KDELR2: variants seen among roughly 807,000 people sequenced by gnomAD.
The protein encoded by KDELR2 is ER lumen protein-retaining receptor 2.
KDELR2 carries 15 observed loss-of-function variants against 23.9 expected under a neutral mutation model. The ratio of observed to expected loss-of-function variants is 0.63; its 90% confidence interval spans 0.42 to 0.97. The LOEUF (loss-of-function observed/expected upper bound fraction) is 0.97. Among genes scored for constraint, KDELR2 ranks in the 50% least tolerant of loss-of-function variants. The pLI is 0.00. For synonymous variants in KDELR2, 119 were observed against 106.2 expected, an observed-to-expected ratio of 1.12 and a Z score of -0.74; for missense variants, 272 against 254.6, an observed-to-expected ratio of 1.07 and a Z score of -0.46.
chr7:6,482,324 C>T (rs1320845247), intron 1 of KDELR2: 1 of 214,856 alleles, frequency 4.7e-6, no homozygotes, highest in Non-Finnish European at 9.9e-6. Context: ...TAATGACTAC[C>T]TGGGATAAGC....
chr7:6,480,112 G>A (rs1303182582), intron 1 of KDELR2, among the ~76,000 whole-genome samples: 1 of 152,182 alleles, frequency 6.6e-6, no homozygotes, highest in Non-Finnish European at 1.5e-5. Context: ...AAGGAGGGAA[G>A]GAGACAGACT....
chr7:6,474,159 C>T (rs1785707853), intron 2 of KDELR2, 25 bp downstream of exon 2: 1 of 1,403,982 alleles, frequency 7.1e-7, no homozygotes, highest in South Asian at 1.2e-5. Context: ...AGATGAAATA[C>T]ATTCCTGTGG....
chr7:6,462,741 T>A lies in KDELR2; in HGVS notation c.*400A>T. On this transcript the variant is annotated 3_prime_UTR_variant, in exon 5 of 5. Transcript: ENST00000258739. ...GTTTGAGGGATGGAAGAATATATAA[T>A]CTATCAACTGTCAAGGAGTACAATT... 1 of 426,364 alleles carries A rather than the reference T, an allele frequency of 2.3e-6. No individual in the cohort carries two copies. The highest frequency in any genetic ancestry group is 4.1e-6 in the Non-Finnish European group (1 of 242,228). 26.4% of individuals were successfully genotyped at this position (426,364 alleles called of 1,614,324 possible).
intron 2 of KDELR2, among the ~76,000 whole-genome samples, chr7:6,472,708 C>T (rs575055086): frequency 1.3e-5 from 2 of 152,256 alleles, no homozygotes; most frequent in African/African-American, 4.8e-5. Flanking sequence ...TGCTCTTGAA[C>T]ACAAAATGTT....
intron 2 of KDELR2, among the ~76,000 whole-genome samples, chr7:6,473,547 G>GA (rs11465069): frequency 0.017 from 2,593 of 152,144 alleles, 62 homozygotes; most frequent in African/African-American, 0.049. Flanking sequence ...ATGTGAATTA[G>GA]AAAAAATATA....
At chr7:6,469,885 A>G in intron 2 of KDELR2, 131 bp from the exon 3 acceptor site, 1 of 732,716 alleles carries the variant, frequency 1.4e-6, no homozygotes, top group Non-Finnish European at 2.1e-6. Flanking sequence ...GAATTTTAAA[A>G]CTTAAATATA....
chr7:6,484,126 C>G lies in KDELR2; in HGVS notation c.-69G>C, dbSNP rs1235986109. 1.7e-6 allele frequency: 2 copies of G among 1,185,494 alleles called. No individual in the cohort carries two copies. Among genetic ancestry groups the G allele is most frequent in the Non-Finnish European group, 2.1e-6 (2 of 936,262 alleles). The allele number at this position is 1,185,494 out of a possible 1,614,324, so 73.4% of individuals were successfully genotyped here. ...GGCTGGGCGGCTCAGGAGGCGGCGG[C>G]CCCTGAGAGGAAGCGGCGAAGATGG... is the stretch of plus-strand genomic sequence containing the variant. On this transcript the variant is annotated 5_prime_UTR_variant, in exon 1 of 5. Transcript: ENST00000258739.
At chr7:6,464,246 C>A (rs1785452306) in intron 4 of KDELR2, among the ~76,000 whole-genome samples, 2 of 127,678 alleles carry the variant, frequency 1.6e-5, no homozygotes, top group South Asian at 5.9e-4. Flanking sequence ...AAAAGCTAGG[C>A]GTGGTGGCTC....
intron 1 of KDELR2, chr7:6,482,373 G>A (rs994525459): frequency 7.0e-6 from 2 of 285,598 alleles, no homozygotes; most frequent in Non-Finnish European, 1.5e-5. Flanking sequence ...TATACAGCAA[G>A]TGCCTAAACA....
At chr7:6,473,080 G>C (rs1398654771) in intron 2 of KDELR2, among the ~76,000 whole-genome samples, 1 of 42,718 alleles carries the variant, frequency 2.3e-5, no homozygotes, top group Non-Finnish European at 5.3e-5. Context: ...GCTAATTTTT[G>C]TATTTTTTTT....
chr7:6,463,847 G>C (rs999363946), intron 4 of KDELR2, among the ~76,000 whole-genome samples: 2 of 150,964 alleles, frequency 1.3e-5, no homozygotes, highest in East Asian at 1.9e-4. Context: ...GATCTCCTGA[G>C]GTCAGGAGTT....
rs1785594408 is a variant in KDELR2, at chr7:6,470,004, C to T, written c.193-250G>A. 6.1e-5 allele frequency: 19 copies of T among 309,778 alleles called. No individual in the cohort carries two copies. In the South Asian group the frequency reaches 1.1e-3, roughly 18 times the overall value. 19.2% of individuals were successfully genotyped at this position (309,778 alleles called of 1,614,324 possible). A position where few individuals can be genotyped will look rare whatever the true frequency, so the allele number is the denominator to read the frequency against. The stretch of plus-strand genomic sequence containing the variant: ...AAAATTCTGCCATGCTGCCGCTTCG[C>T]AGTCAAACTCCCCCAGGCTTCCTTC... On this transcript the variant is annotated intron_variant, in intron 2 of 4. Transcript: ENST00000258739.
chr7:6,482,089 G>A (rs1366105227), intron 1 of KDELR2, among the ~76,000 whole-genome samples: 1 of 151,942 alleles, frequency 6.6e-6, no homozygotes, highest in Non-Finnish European at 1.5e-5. Context: ...CGCAATCTCC[G>A]CCTCCCAGGT....
At chr7:6,482,637 A>AT in intron 1 of KDELR2, 1 of 460,540 alleles carries the variant, frequency 2.2e-6, no homozygotes, top group Non-Finnish European at 4.5e-6. Context: ...AGACGCCAAA[A>AT]TTTTTAGAAA....
At position 6,469,709 on chromosome 7, in the gene KDELR2, G is replaced by C. The variant is rs775611010; in HGVS notation, c.238C>G (p.Leu80Val). Residue 80 changes from leucine to valine, a missense_variant, in exon 3 of 5, where the codon CTG (leucine) becomes GTG (valine). Physicochemically the swap from Leu to Val is conservative, Grantham distance 32. Coordinates refer to ENST00000258739, the MANE Select transcript of KDELR2 (RefSeq NM_006854.4). ...CSYATVYLIY[L>V]KFKATYDGNH... ...CCATCGTAGGTTGCCTTAAATTTCA[G>C]GTAGATCAGGTACACTGTGGCATAG... 1.2e-6 allele frequency: 2 copies of C among 1,614,092 alleles called. No individual in the cohort carries two copies. The highest frequency in any genetic ancestry group is 8.5e-7 in the Non-Finnish European group (1 of 1,180,000).
chr7:6,483,160 C>G (rs546867093), intron 1 of KDELR2, among the ~76,000 whole-genome samples: 6 of 152,344 alleles, frequency 3.9e-5, no homozygotes, highest in African/African-American at 1.2e-4. Context: ...AACCAGCCAG[C>G]TCACTGGTGA....
In KDELR2 at chr7:6,469,601, G is replaced by A. The variant is rs768096319; in HGVS notation, c.346C>T (p.Leu116Phe). ...AAGTAACCTTTTAAACTAACCTCAA[G>A]AGGAGAGAAATCGTGATTAACTAAA... ...SFLVNHDFSP[L>F]EILWTFSIYL... The change falls in exon 3 of 5, where the codon CTT (leucine) becomes TTT (phenylalanine). Residue 116 changes from leucine (L) to phenylalanine (F), a missense_variant. Physicochemically the swap from Leu to Phe is conservative, Grantham distance 22 (BLOSUM62 0). Transcript: ENST00000258739. The A allele has an allele frequency of 1.1e-5, 17 of 1,613,640 alleles. No homozygotes were observed. In the East Asian group the frequency reaches 2.5e-4, roughly 23 times the overall value.
intron 1 of KDELR2, among the ~76,000 whole-genome samples, chr7:6,482,832 C>CAAAAAAAAAAAAA (rs10525658): frequency 1.6e-5 from 2 of 122,928 alleles, no homozygotes; most frequent in Non-Finnish European, 3.6e-5. Flanking sequence ...CAAAAAATAG[C>CAAAAAAAAAAAAA]AAAAAAAAAA....
At chr7:6,483,793 C>A (rs1285638338) in intron 1 of KDELR2, among the ~76,000 whole-genome samples, 174 bp downstream of exon 1, 2 of 152,038 alleles carry the variant, frequency 1.3e-5, no homozygotes, top group African/African-American at 2.4e-5. Context: ...CCGGAGCCCA[C>A]CCCGAGGGCC....
Sources: allele counts gnomAD v4.1 joint callset (sites outside exome capture counted in the v4.1 genomes callset), GRCh38; gene constraint gnomAD v4.1.1; transcripts MANE v1.5; gene names NCBI Gene and HGNC (gene_info 2026-07-23, HGNC 2026-07-21).